The following ADGRA2 variants were observed in gnomAD, a reference collection of about 807,000 sequenced individuals.
ADGRA2 encodes the protein G-protein coupled receptor 124.
Under a neutral mutation model 98.7 loss-of-function variants are expected in ADGRA2, and 61 were observed. That is an observed-to-expected ratio of 0.62 (90% CI 0.50 to 0.76). The LOEUF is 0.76. ADGRA2 is among the 30% of genes least tolerant of loss of function. The pLI, the probability that ADGRA2 is intolerant of heterozygous loss-of-function variation, is 0.00. For synonymous variants in ADGRA2, 858 were observed against 831.5 expected, an observed-to-expected ratio of 1.03 and a Z score of -0.55; for missense variants, 1,712 against 1,860.0, an observed-to-expected ratio of 0.92 and a Z score of 1.46.
Position 37,829,509 on chromosome 8 carries a change from C to A in ADGRA2, c.504C>A (p.Phe168Leu). 1 of 1,613,508 alleles carries A rather than the reference C, an allele frequency of 6.2e-7. No individual in the cohort carries two copies. The highest frequency in any genetic ancestry group is 8.5e-7 in the Non-Finnish European group (1 of 1,179,432). ...LLRLNISGNI[F>L]SSLQPGVFDE... ...GCAGAAACATATCTGGAAACATCTTCTCCAGTCTGCAACCTGGGGTCTTTG... is the reference window on the plus strand; with the variant it reads ...GCAGAAACATATCTGGAAACATCTTATCCAGTCTGCAACCTGGGGTCTTTG... Residue 168 changes from phenylalanine to leucine, a missense_variant, in exon 5 of 19, where the codon TTC (phenylalanine) becomes TTA (leucine). By Grantham distance (22) the Phe-to-Leu change is conservative. Coordinates refer to ENST00000412232, the MANE Select transcript of ADGRA2 (RefSeq NM_032777.10).
At chr8:37,831,641 C>CA in intron 8 of ADGRA2, 54 bp downstream of exon 8, 2 of 1,521,428 alleles carry the variant, frequency 1.3e-6, no homozygotes, top group Admixed American at 3.4e-5. Flanking sequence ...CCCACCCTTG[C>CA]ACCTGACATC....
chr8:37,801,789 G>A (rs574867300), intron 1 of ADGRA2, among the ~76,000 whole-genome samples: 1 of 152,352 alleles, frequency 6.6e-6, no homozygotes, highest in South Asian at 2.1e-4. Context: ...GCCGGGATGG[G>A]CATTGCATTC....
chr8:37,833,625 C>CA, intron 9 of ADGRA2, 63 bp from the exon 10 acceptor site: 1 of 1,562,588 alleles, frequency 6.4e-7, no homozygotes, highest in South Asian at 1.2e-5. Flanking sequence ...AGAGGGTCCC[C>CA]AGGGGCAGTT....
intron 1 of ADGRA2, among the ~76,000 whole-genome samples, chr8:37,811,168 G>GTGTGTT (rs1554523205): frequency 7.9e-5 from 8 of 101,752 alleles, no homozygotes; most frequent in African/African-American, 3.2e-4. Context: ...GTGTGTGTGT[G>GTGTGTT]TTTTTTTTTT....
rs1381479714 is a variant in ADGRA2, at chr8:37,841,272, G to A, written c.2934G>A (p.Arg978=). ...EAGEELRGST[R]LRGSGPLLSD... is the part of the protein sequence containing the mutation. ...GGGAGGAGCTGAGGGGTTCCACCAGGCTCAGGGGCAGCGGCCCCCTCCTGA... is the reference window on the plus strand; with the variant it reads ...GGGAGGAGCTGAGGGGTTCCACCAGACTCAGGGGCAGCGGCCCCCTCCTGA... Residue 978 remains arginine, a synonymous_variant, in exon 19 of 19, where the codon AGG becomes AGA. Transcript: ENST00000412232. This position sits in a 1 kb window ranked among gnomAD's most constrained non-coding sequence, Gnocchi z 5.0. 2 of 1,612,390 alleles carry A rather than the reference G, an allele frequency of 1.2e-6. No homozygotes were observed. The highest frequency in any genetic ancestry group is 1.7e-6 in the Non-Finnish European group (2 of 1,179,316).
Position 37,833,989 on chromosome 8 carries a change from T to C in ADGRA2, c.1469T>C (p.Met490Thr), listed in dbSNP as rs959082670. 3.1e-6 allele frequency: 5 copies of C among 1,612,946 alleles called. No individual in the cohort carries two copies. Among genetic ancestry groups the C allele is most frequent in the Non-Finnish European group, 2.5e-6 (3 of 1,179,730 alleles). ...CAGCTGGTAGAGGTGATGGTGGACA[T>C]GGCCAGCAACCTGATGCTGGTGGAC... ...IKELVEVMVD[M>T]ASNLMLVDEH... The change falls in exon 11 of 19, where the codon ATG becomes ACG. Residue 490 changes from methionine (M) to threonine (T), a missense_variant. Coordinates refer to ENST00000412232, the MANE Select transcript of ADGRA2 (RefSeq NM_032777.10).
chr8:37,831,455 C>T lies in ADGRA2; in HGVS notation c.965C>T (p.Ala322Val). The T allele has an allele frequency of 6.2e-7, 1 of 1,612,924 alleles. No individual in the cohort carries two copies. The highest frequency in any genetic ancestry group is 8.5e-7 in the Non-Finnish European group (1 of 1,180,020). ...ELTLSHIGVWASGEWECTVSM... is the reference protein window; with the variant it reads ...ELTLSHIGVWVSGEWECTVSM... ...ACGCTGTCTCACATCGGCGTGTGGG[C>T]CTCAGGCGAGTGGGAGTGCACCGTG... The change falls in exon 8 of 19, where the codon GCC becomes GTC. Residue 322 changes from alanine to valine, a missense_variant. Transcript: ENST00000412232.
intron 17 of ADGRA2, among the ~76,000 whole-genome samples, chr8:37,840,548 G>A (rs974095049): frequency 3.9e-5 from 6 of 152,168 alleles, no homozygotes; most frequent in Non-Finnish European, 7.3e-5. Context: ...GCACTGTTTA[G>A]GGTGAGAGAG....
chr8:37,834,065 C>G lies in ADGRA2; in HGVS notation c.1545C>G (p.Ile515Met). Residue 515 changes from isoleucine to methionine, a missense_variant, in exon 11 of 19, where the codon ATC becomes ATG. By Grantham distance (10) the Ile-to-Met change is conservative. Transcript: ENST00000412232. The surrounding 1 kb of genome is among the most constrained non-coding windows in gnomAD (Gnocchi z 4.2). ...GCGAGGACAAGGCCTGCAGCCGCAT[C>G]GTGGGTGCCCTGGAGCGCATTGGGG... The part of the protein sequence containing the change: ...AQREDKACSR[I>M]VGALERIGGA... The G allele has an allele frequency of 1.2e-6, 2 of 1,612,852 alleles. No individual in the cohort carries two copies. Among genetic ancestry groups the G allele is most frequent in the Non-Finnish European group, 1.7e-6 (2 of 1,179,906 alleles).
rs1460440453 is a variant in ADGRA2, at chr8:37,841,192, G to A, written c.2854G>A (p.Gly952Ser). 1.9e-5 allele frequency: 31 copies of A among 1,613,336 alleles called. No homozygotes were observed. Among genetic ancestry groups the A allele is most frequent in the Non-Finnish European group, 2.5e-5 (30 of 1,180,034 alleles). Residue 952 changes from glycine (G) to serine (S), a missense_variant, in exon 19 of 19, where the codon GGT becomes AGT. By Grantham distance (56) the Gly-to-Ser change is moderately conservative (BLOSUM62 0). Transcript: ENST00000412232. The surrounding 1 kb of genome is among the most constrained non-coding windows in gnomAD (Gnocchi z 5.0). ...YFLCAGLRLR[G>S]PLAQNPKAGN... ...CCTGTGCGCCGGGCTACGCTTACGG[G>A]GTCCTCTGGCACAGAACCCCAAGGC...
rs556790075 is a variant in ADGRA2, at chr8:37,814,996, A to AG, written c.338+35dup. The AG allele has an allele frequency of 2.0e-6, 3 of 1,485,634 alleles. No homozygotes were observed. Among genetic ancestry groups the AG allele is most frequent in the South Asian group, 2.3e-5 (2 of 88,566 alleles). The allele number at this position is 1,485,634 out of a possible 1,614,324, so 92.0% of individuals were successfully genotyped here. ...AGTGCTGGGGAAGGTGAGGTGGAGG[A>AG]GGGGGGTGGCCGTGATGGCAAGAGG... is the stretch of plus-strand genomic sequence containing the variant. On this transcript the variant is annotated intron_variant, in intron 2 of 18. Coordinates refer to ENST00000412232, the MANE Select transcript of ADGRA2 (RefSeq NM_032777.10). The surrounding 1 kb of genome is among the most constrained non-coding windows in gnomAD (Gnocchi z 4.3).
Position 37,802,900 on chromosome 8 carries a change from T to C in ADGRA2, c.266+5366T>C, listed in dbSNP as rs1022498196. Among the ~76,000 whole-genome samples, 13 of 152,152 alleles carry C rather than the reference T, an allele frequency of 8.5e-5. No homozygotes were observed. Among genetic ancestry groups the C allele is most frequent in the Non-Finnish European group, 2.9e-5 (2 of 68,028 alleles). On this transcript the variant is annotated intron_variant, in intron 1 of 18. Coordinates refer to ENST00000412232, the MANE Select transcript of ADGRA2 (RefSeq NM_032777.10). The surrounding 1 kb of genome is among the most constrained non-coding windows in gnomAD (Gnocchi z 4.7). ...GGGGCACTTGTGACTCCGCCCCCAGTGGGTCCAAGATCCCAAATGTGTTAT... is the reference window on the plus strand; with the variant it reads ...GGGGCACTTGTGACTCCGCCCCCAGCGGGTCCAAGATCCCAAATGTGTTAT...
chr8:37,829,755 T>C, intron 5 of ADGRA2, 96 bp from the exon 6 acceptor site: 1 of 1,306,414 alleles, frequency 7.7e-7, no homozygotes, highest in Non-Finnish European at 1.1e-6. Flanking sequence ...TTGCCCCTCC[T>C]ACCCTCTCCA....
At chr8:37,816,368 G>A (rs980995178) in intron 2 of ADGRA2, among the ~76,000 whole-genome samples, 3 of 152,106 alleles carry the variant, frequency 2.0e-5, no homozygotes, top group African/African-American at 7.2e-5. Flanking sequence ...CGAGGCGGGT[G>A]GATCACTTGA....
Position 37,830,645 on chromosome 8 carries a change from C to A in ADGRA2, c.719-65C>A. On this transcript the variant is annotated intron_variant, in intron 6 of 18. Coordinates refer to ENST00000412232, the MANE Select transcript of ADGRA2 (RefSeq NM_032777.10). This position sits in a 1 kb window ranked among gnomAD's most constrained non-coding sequence, Gnocchi z 4.8. ...GCCCCACCCCATCCTGCTGGACTCT[C>A]GCTCACACGTGCAGCCTCACATGCG... 1 of 498,676 alleles carries A rather than the reference C, an allele frequency of 2.0e-6. No individual in the cohort carries two copies. Among genetic ancestry groups the A allele is most frequent in the South Asian group, 1.7e-5 (1 of 58,672 alleles). The allele number at this position is 498,676 out of a possible 1,614,324, so 30.9% of individuals were successfully genotyped here.
At position 37,829,312 on chromosome 8, in the gene ADGRA2, C is replaced by T; in HGVS notation, c.462C>T (p.Gly154=). The T allele has an allele frequency of 6.2e-7, 1 of 1,613,360 alleles. No individual in the cohort carries two copies. Among genetic ancestry groups the T allele is most frequent in the Non-Finnish European group, 8.5e-7 (1 of 1,179,504 alleles). ...IGCLTSETFQ[G]LPRLLRLNIS... Reference sequence around the variant, plus strand: ...GTCTCACCTCCGAGACCTTCCAGGGCCTCCCCAGGCTTCTCCGACTGTAAG... The same window carrying T: ...GTCTCACCTCCGAGACCTTCCAGGGTCTCCCCAGGCTTCTCCGACTGTAAG... Residue 154 remains glycine, a synonymous_variant, in exon 4 of 19, where the codon GGC becomes GGT. Coordinates refer to ENST00000412232, the MANE Select transcript of ADGRA2 (RefSeq NM_032777.10).
chr8:37,824,049 G>A (rs777808571), intron 2 of ADGRA2, among the ~76,000 whole-genome samples: 6 of 144,784 alleles, frequency 4.1e-5, no homozygotes, highest in African/African-American at 1.5e-4. Flanking sequence ...TTTTTTTTTC[G>A]AGATGGAGTT....
In ADGRA2 at chr8:37,841,218, G is replaced by A. The variant is rs868682527; in HGVS notation, c.2880G>A (p.Ala960=). 2.5e-6 allele frequency: 4 copies of A among 1,613,472 alleles called. No homozygotes were observed. Among genetic ancestry groups the A allele is most frequent in the African/African-American group, 1.3e-5 (1 of 74,934 alleles). The change falls in exon 19 of 19, where the codon GCG becomes GCA. Residue 960 remains alanine (A), a synonymous_variant. Coordinates refer to ENST00000412232, the MANE Select transcript of ADGRA2 (RefSeq NM_032777.10). This position sits in a 1 kb window ranked among gnomAD's most constrained non-coding sequence, Gnocchi z 5.0. The stretch of plus-strand genomic sequence containing the variant: ...GTCCTCTGGCACAGAACCCCAAGGC[G>A]GGCAACAGCAGGGCCTCCCTGGAGG... ...LRGPLAQNPK[A]GNSRASLEAG... is the part of the protein sequence containing the mutation.
At chr8:37,809,941 C>T (rs916039868) in intron 1 of ADGRA2, among the ~76,000 whole-genome samples, 3 of 152,108 alleles carry the variant, frequency 2.0e-5, no homozygotes, top group Admixed American at 6.5e-5. Context: ...TTGTCCTTGC[C>T]CTCCTCTGGG....
Sources: gnomAD v4.1 joint callset for allele counts (sites outside exome capture counted in the v4.1 genomes callset) on GRCh38, gnomAD v4.1.1 for gene constraint, Gnocchi (gnomAD v3.1) non-coding constraint, MANE v1.5 for transcripts, NCBI Gene and HGNC (gene_info 2026-07-23, HGNC 2026-07-21) for gene names.